Variants in CNTN6 observed in about 807,000 individuals in gnomAD.
CNTN6 encodes the protein contactin 6.
In CNTN6, 137 loss-of-function variants were observed where a neutral mutation model predicts 122.8. That is an observed-to-expected ratio of 1.12 (90% confidence interval 0.97 to 1.29). The LOEUF (loss-of-function observed/expected upper bound fraction) is 1.29, where lower values mean the gene tolerates loss of function less well. Ranked by LOEUF, CNTN6 falls within the 50% of genes most tolerant of loss-of-function variation. The pLI is 0.00. For synonymous variants in CNTN6, 570 were observed against 426.0 expected, an observed-to-expected ratio of 1.34 and a Z score of -4.16; for missense variants, 1,634 against 1,223.4, an observed-to-expected ratio of 1.34 and a Z score of -5.01.
intron 1 of CNTN6, among the ~76,000 whole-genome samples, chr3:1,116,493 A>T (rs1463862786): frequency 1.3e-5 from 2 of 152,192 alleles, no homozygotes; most frequent in Admixed American, 1.3e-4. Context: ...GTTGTTTACA[A>T]TGAAAATGTG....
chr3:1,211,459 T>A (rs1174735493), intron 2 of CNTN6, among the ~76,000 whole-genome samples: 1 of 152,208 alleles, frequency 6.6e-6, no homozygotes, highest in Non-Finnish European at 1.5e-5. Flanking sequence ...CTGGTCTCTT[T>A]CTATGGTTTA....
chr3:1,194,224 TTTTAAAATAAAA>T (rs2093743532), intron 2 of CNTN6, among the ~76,000 whole-genome samples: 1 of 152,106 alleles, frequency 6.6e-6, no homozygotes. Context: ...GGGAGAAATC[TTTTAAAATAAAA>T]TGCAACTATA....
At chr3:1,265,335 C>G (rs1228613438) in intron 4 of CNTN6, among the ~76,000 whole-genome samples, 6 of 152,132 alleles carry the variant, frequency 3.9e-5, no homozygotes, top group African/African-American at 1.2e-4. Context: ...AAATCAGTGT[C>G]CAGGTAATTC....
At chr3:1,314,541 A>G (rs1699830419) in intron 7 of CNTN6, among the ~76,000 whole-genome samples, 1 of 152,134 alleles carries the variant, frequency 6.6e-6, no homozygotes, top group Non-Finnish European at 1.5e-5. Flanking sequence ...TTTATGGGCT[A>G]AAGGTATAGA....
At chr3:1,369,043 C>T (rs183254056) in intron 12 of CNTN6, among the ~76,000 whole-genome samples, 5 of 152,280 alleles carry the variant, frequency 3.3e-5, no homozygotes, top group African/African-American at 1.2e-4. Flanking sequence ...CTTTCATTTT[C>T]AGCACATGGT....
At chr3:1,320,119 T>C (rs1272168439) in intron 7 of CNTN6, among the ~76,000 whole-genome samples, 1 of 151,674 alleles carries the variant, frequency 6.6e-6, no homozygotes, top group South Asian at 2.1e-4. Context: ...TACTGAAATG[T>C]CAACTTAAAT....
At chr3:1,272,765 G>C (rs563724974) in intron 4 of CNTN6, among the ~76,000 whole-genome samples, 1 of 152,146 alleles carries the variant, frequency 6.6e-6, no homozygotes, top group African/African-American at 2.4e-5. Flanking sequence ...CAAGTGCATC[G>C]TCTGATTGTG....
chr3:1,202,322 C>T (rs1344277974), intron 2 of CNTN6, among the ~76,000 whole-genome samples: 3 of 152,166 alleles, frequency 2.0e-5, no homozygotes, highest in Admixed American at 6.5e-5. Context: ...GGGCGGATCA[C>T]GAGCTCAGGA....
chr3:1,387,872 ACCAC>A (rs1560004528), intron 20 of CNTN6, among the ~76,000 whole-genome samples: 4 of 152,070 alleles, frequency 2.6e-5, no homozygotes, highest in Non-Finnish European at 4.4e-5. Context: ...AAAACGGCGC[ACCAC>A]GAGATTATAT....
At chr3:1,319,631 C>G (rs906620824) in intron 7 of CNTN6, among the ~76,000 whole-genome samples, 5 of 151,330 alleles carry the variant, frequency 3.3e-5, no homozygotes, top group African/African-American at 1.2e-4. Context: ...AGATTAAAAG[C>G]CTTTTCAATT....
intron 7 of CNTN6, among the ~76,000 whole-genome samples, chr3:1,309,217 G>A (rs1473599125): frequency 6.6e-6 from 1 of 151,980 alleles, no homozygotes; most frequent in Non-Finnish European, 1.5e-5. Flanking sequence ...TATATCCAAG[G>A]TTACCTAGAT....
intron 1 of CNTN6, among the ~76,000 whole-genome samples, chr3:1,099,438 C>A (rs1022081212): frequency 2.6e-5 from 4 of 152,002 alleles, no homozygotes; most frequent in Admixed American, 6.6e-5. Context: ...GTGACAGAGC[C>A]AGACTCTGTC....
At chr3:1,305,774 A>G (rs185283260) in intron 7 of CNTN6, among the ~76,000 whole-genome samples, 6 of 152,308 alleles carry the variant, frequency 3.9e-5, no homozygotes, top group Admixed American at 3.9e-4. Context: ...GCCTTCACAC[A>G]GAGGACTATA....
intron 12 of CNTN6, among the ~76,000 whole-genome samples, chr3:1,354,758 A>G (rs1158277951): frequency 1.3e-5 from 2 of 151,524 alleles, no homozygotes; most frequent in African/African-American, 2.4e-5. Flanking sequence ...TTGCTCTAAA[A>G]TCGGACAGTT....
At chr3:1,181,158 T>C (rs1486615228) in intron 2 of CNTN6, among the ~76,000 whole-genome samples, 12 of 152,206 alleles carry the variant, frequency 7.9e-5, no homozygotes, top group Admixed American at 7.9e-4. Flanking sequence ...TTATACATTC[T>C]AATTCTCTTC....
intron 2 of CNTN6, among the ~76,000 whole-genome samples, chr3:1,189,842 A>G (rs1349616403): frequency 1.3e-5 from 2 of 152,196 alleles, no homozygotes; most frequent in Admixed American, 6.5e-5. Flanking sequence ...AATGTGTTCC[A>G]TCCCCTCTTT....
At chr3:1,236,229 A>G (rs1271778292) in intron 4 of CNTN6, among the ~76,000 whole-genome samples, 1 of 151,552 alleles carries the variant, frequency 6.6e-6, no homozygotes, top group Non-Finnish European at 1.5e-5. Context: ...TCCGTATAGG[A>G]CCACAGCTGA....
intron 2 of CNTN6, among the ~76,000 whole-genome samples, chr3:1,169,583 G>C (rs934979453): frequency 1.3e-4 from 20 of 152,216 alleles, no homozygotes; most frequent in Admixed American, 6.5e-4. Flanking sequence ...TCAGAGCTGA[G>C]TTAGGAAAGT....
intron 2 of CNTN6, among the ~76,000 whole-genome samples, chr3:1,189,573 T>C (rs1340870222): frequency 6.6e-6 from 1 of 152,214 alleles, no homozygotes; most frequent in Non-Finnish European, 1.5e-5. Flanking sequence ...TAAAGGGATA[T>C]ATGAAATAAT....
Sources: gnomAD v4.1 joint callset for allele counts (sites outside exome capture counted in the v4.1 genomes callset) on GRCh38, gnomAD v4.1.1 for gene constraint, MANE v1.5 for transcripts, NCBI Gene and HGNC (gene_info 2026-07-23, HGNC 2026-07-21) for gene names.